Variants in DNASE1 observed in about 807,000 individuals in gnomAD.
DNASE1 encodes deoxyribonuclease-1.
DNASE1 carries 40 observed loss-of-function variants against 33.9 expected under a neutral mutation model. The observed-to-expected ratio is 1.18, with a 90% CI of 0.92 to 1.54. The LOEUF is 1.54. Ranked by LOEUF, DNASE1 falls within the 40% of genes most tolerant of loss-of-function variation. DNASE1 has a pLI of 0.00. For synonymous variants in DNASE1, 216 were observed against 160.0 expected, an observed-to-expected ratio of 1.35 and a Z score of -2.64; for missense variants, 518 against 372.6, an observed-to-expected ratio of 1.39 and a Z score of -3.21.
At chr16:3,658,793 C>G (rs768336641), downstream of DNASE1, 42 of 1,613,518 alleles carry the variant, frequency 2.6e-5, no homozygotes, top group Non-Finnish European at 3.4e-5. Flanking sequence ...CTGCACTCAC[C>G]TGATCCACCA....
exon 10 of DNASE1, chr16:3,665,321 T>C (rs2050806472): frequency 6.6e-6 from 1 of 152,262 alleles, no homozygotes; most frequent in African/African-American, 2.4e-5. Context: ...GCTCCTGGGA[T>C]GAAATGTTCT....
intron 1 of DNASE1, among the ~76,000 whole-genome samples, chr16:3,649,097 GT>G (rs1230736075): frequency 6.6e-6 from 1 of 152,224 alleles, no homozygotes; most frequent in African/African-American, 2.4e-5. Flanking sequence ...ATTCAAGATT[GT>G]TTTGGCAAGA....
chr16:3,659,140 C>T (rs116622318), downstream of DNASE1: 541 of 354,148 alleles, frequency 1.5e-3, 7 homozygotes, highest in African/African-American at 0.011. Flanking sequence ...TACGTGAAGA[C>T]ATGCCTTGGT....
chr16:3,659,148 G>C (rs2042915320), downstream of DNASE1: 1 of 329,708 alleles, frequency 3.0e-6, no homozygotes, highest in Non-Finnish European at 5.5e-6. Context: ...GACATGCCTT[G>C]GTTCCTAGAT....
intron 1 of DNASE1, among the ~76,000 whole-genome samples, chr16:3,643,358 C>G (rs890355028): frequency 2.6e-5 from 4 of 152,224 alleles, no homozygotes; most frequent in African/African-American, 4.8e-5. Context: ...TTGGCAGTTT[C>G]GTGGAGTTAG....
chr16:3,612,140 C>G (rs1275759599), intron 1 of DNASE1: 2 of 152,362 alleles, frequency 1.3e-5, no homozygotes, highest in Non-Finnish European at 2.9e-5. Flanking sequence ...CCAGCCAGGG[C>G]CTGGGGGAAA....
chr16:3,636,333 A>G (rs938371417), intron 1 of DNASE1, among the ~76,000 whole-genome samples: 3 of 152,036 alleles, frequency 2.0e-5, no homozygotes, highest in African/African-American at 4.8e-5. Context: ...CATATCATCT[A>G]CTTTTTCCAT....
chr16:3,632,753 T>G (rs550615339), intron 1 of DNASE1, among the ~76,000 whole-genome samples: 1 of 152,164 alleles, frequency 6.6e-6, no homozygotes, highest in Non-Finnish European at 1.5e-5. Context: ...GCCTGGGTAA[T>G]TTTTGTATTT....
exon 10 of DNASE1, chr16:3,664,340 G>C (rs777754527): frequency 1.2e-6 from 2 of 1,612,648 alleles, no homozygotes; most frequent in African/African-American, 1.3e-5. Context: ...GGTTGGGGGC[G>C]CACAGGTAGT....
chr16:3,616,301 A>G (rs969664830), intron 1 of DNASE1, among the ~76,000 whole-genome samples: 1 of 152,162 alleles, frequency 6.6e-6, no homozygotes, highest in Non-Finnish European at 1.5e-5. Context: ...ATTTTTTTGC[A>G]GAAGTGGAAA....
chr16:3,636,732 A>G (rs561171843), intron 1 of DNASE1, among the ~76,000 whole-genome samples: 2 of 151,944 alleles, frequency 1.3e-5, no homozygotes, highest in Non-Finnish European at 2.9e-5. Context: ...AGGCACGAGA[A>G]TTGCTTGAAC....
downstream of DNASE1, chr16:3,659,332 C>G (rs902735340): frequency 1.3e-5 from 2 of 153,554 alleles, no homozygotes; most frequent in African/African-American, 2.4e-5. Context: ...AGACAGATCA[C>G]TCCATCCAGC....
At chr16:3,619,410 G>A (rs189718173) in intron 1 of DNASE1, among the ~76,000 whole-genome samples, 5 of 150,678 alleles carry the variant, frequency 3.3e-5, no homozygotes, top group Non-Finnish European at 5.9e-5. Context: ...CGCCCAGGCC[G>A]AAGTGCAGTG....
chr16:3,662,511 G>A (rs12932275), downstream of DNASE1: 5 of 526,086 alleles, frequency 9.5e-6, 1 homozygote, highest in Non-Finnish European at 1.8e-5. Context: ...TTAGCTCTCT[G>A]AAGCCCACCC....
At position 3,657,278 on chromosome 16, in the gene DNASE1, T is replaced by TC; in HGVS notation, c.643dup (p.Gln215ProfsTer9). On this transcript the variant is annotated frameshift_variant, in exon 7 of 9. Coordinates refer to ENST00000246949, the MANE Select transcript of DNASE1 (RefSeq NM_005223.4). LOFTEE classifies it high-confidence loss of function. ...ATCCGCCTGTGGACAAGCCCCACCTTCCAGTGGCTGATCCCCGACAGCGCT... is the reference window on the plus strand; with the variant it reads ...ATCCGCCTGTGGACAAGCCCCACCTTCCCAGTGGCTGATCCCCGACAGCGCT... The TC allele has an allele frequency of 6.2e-7, 1 of 1,613,970 alleles. No individual in the cohort carries two copies. Among genetic ancestry groups the TC allele is most frequent in the Non-Finnish European group, 8.5e-7 (1 of 1,180,016 alleles).
intron 1 of DNASE1, among the ~76,000 whole-genome samples, chr16:3,646,970 A>T (rs1378861829): frequency 3.3e-5 from 5 of 152,100 alleles, no homozygotes; most frequent in African/African-American, 7.2e-5. Flanking sequence ...GGCTGCAGCA[A>T]GTTTATGATG....
intron 1 of DNASE1, among the ~76,000 whole-genome samples, chr16:3,628,719 C>A (rs1401952800): frequency 6.6e-6 from 1 of 151,176 alleles, no homozygotes; most frequent in Non-Finnish European, 1.5e-5. Flanking sequence ...CCACCACGCC[C>A]GGCTAATTTT....
intron 1 of DNASE1, among the ~76,000 whole-genome samples, chr16:3,637,123 C>CAAA (rs55645773): frequency 6.9e-6 from 1 of 144,290 alleles, no homozygotes; most frequent in Non-Finnish European, 1.5e-5. Context: ...GACTCCATCT[C>CAAA]AAAAAAAAAA....
At chr16:3,642,366 G>A (rs1196509972), upstream of DNASE1, among the ~76,000 whole-genome samples, 4 of 152,224 alleles carry the variant, frequency 2.6e-5, no homozygotes, top group African/African-American at 7.2e-5. Flanking sequence ...ATGGGATGTG[G>A]AGGCTGAAGA....
Sources: allele counts gnomAD v4.1 joint callset (sites outside exome capture counted in the v4.1 genomes callset), GRCh38; gene constraint gnomAD v4.1.1; transcripts MANE v1.5; gene names NCBI Gene and HGNC (gene_info 2026-07-23, HGNC 2026-07-21).